Variants in CEP63 observed in about 807,000 individuals in gnomAD.
The protein encoded by CEP63 is centrosomal protein of 63 kDa.
CEP63 carries 84 observed loss-of-function variants against 89.1 expected under a neutral mutation model. The observed-to-expected ratio is 0.94, with a 90% CI of 0.79 to 1.13. CEP63 has a LOEUF of 1.13. Among genes scored for constraint, CEP63 ranks in the 50% most tolerant of loss-of-function variants. The pLI is 0.00. For missense variants in CEP63, 838 were observed against 813.3 expected, an observed-to-expected ratio of 1.03 and a Z score of -0.37; for synonymous variants, 267 against 272.5, an observed-to-expected ratio of 0.98 and a Z score of 0.20.
chr3:134,607,335 T>C, the CEP63 span: 4 of 985,518 alleles, frequency 4.1e-6, no homozygotes, highest in Non-Finnish European at 4.8e-6. Context: ...ACAAGTCAGT[T>C]GGAACTAACT....
chr3:134,627,574 C>T, the CEP63 span, among the ~76,000 whole-genome samples: 2 of 152,192 alleles, frequency 1.3e-5, no homozygotes, highest in South Asian at 4.1e-4. Flanking sequence ...CTTTTTCCTT[C>T]TCCACCTGTG....
chr3:134,778,670 T>C, the CEP63 span, among the ~76,000 whole-genome samples: 5 of 152,302 alleles, frequency 3.3e-5, no homozygotes, highest in African/African-American at 1.2e-4. Context: ...GCCATTCTCC[T>C]GCCTCAGCCT....
chr3:134,548,441 C>T (rs913633453), intron 9 of CEP63, among the ~76,000 whole-genome samples: 4 of 152,134 alleles, frequency 2.6e-5, no homozygotes, highest in African/African-American at 7.2e-5. Context: ...TTGTCATTGT[C>T]GTACTTATAG....
At chr3:134,647,455 A>C in the CEP63 span, 1 of 1,611,962 alleles carries the variant, frequency 6.2e-7, no homozygotes, top group South Asian at 1.1e-5. Context: ...ATTTCCTTCT[A>C]ATTTCTGCCA....
Position 134,559,287 on chromosome 3 carries a change from G to T in CEP63, c.1811G>T (p.Ser604Ile), listed in dbSNP as rs1006540375. Residue 604 changes from serine to isoleucine, a missense_variant, in exon 14 of 15, where the codon AGC (serine) becomes ATC (isoleucine). Transcript: ENST00000675561. ...CTAAGCCCCCTGAGTCCTCAAATCA[G>T]CCCTTGCAGCTCCACCAGGTCTTTG... ...RVLSPLSPQI[S>I]PCSSTRSLTS... is the part of the protein sequence containing the mutation. 1 of 1,614,092 alleles carries T rather than the reference G, an allele frequency of 6.2e-7. No homozygotes were observed. The highest frequency in any genetic ancestry group is 1.3e-5 in the African/African-American group (1 of 75,022).
At chr3:134,528,101 C>T (rs1302052078) in intron 3 of CEP63, among the ~76,000 whole-genome samples, 1 of 152,214 alleles carries the variant, frequency 6.6e-6, no homozygotes, top group Non-Finnish European at 1.5e-5. Flanking sequence ...GAGTGGGTTG[C>T]TCCTTGCTAG....
intron 5 of CEP63, among the ~76,000 whole-genome samples, chr3:134,534,400 C>T (rs912055310): frequency 3.9e-5 from 6 of 152,156 alleles, no homozygotes; most frequent in African/African-American, 1.2e-4. Flanking sequence ...AATTATCAGA[C>T]TACCAATCCC....
the CEP63 span, among the ~76,000 whole-genome samples, chr3:134,668,770 T>C: frequency 6.6e-6 from 1 of 151,734 alleles, no homozygotes; most frequent in South Asian, 2.1e-4. Context: ...CATTTTTCAC[T>C]TTCCATTTTT....
At chr3:134,622,726 G>C in the CEP63 span, among the ~76,000 whole-genome samples, 2 of 152,268 alleles carry the variant, frequency 1.3e-5, no homozygotes, top group East Asian at 3.9e-4. Flanking sequence ...TTTCTTCGTA[G>C]GGGCCCTCAG....
At chr3:134,575,178 G>GTC (rs1166742954), downstream of CEP63, among the ~76,000 whole-genome samples, 1 of 48,090 alleles carries the variant, frequency 2.1e-5, no homozygotes, top group Non-Finnish European at 3.7e-5. Flanking sequence ...CTCCCTCCCT[G>GTC]TCTCTCTCTC....
At chr3:134,604,047 C>G in the CEP63 span, 1 of 1,614,014 alleles carries the variant, frequency 6.2e-7, no homozygotes, top group Non-Finnish European at 8.5e-7. Context: ...GCCGCTGTGT[C>G]TCCTCAGTGA....
chr3:134,717,865 T>C, the CEP63 span, among the ~76,000 whole-genome samples: 1 of 152,202 alleles, frequency 6.6e-6, no homozygotes, highest in Non-Finnish European at 1.5e-5. Flanking sequence ...ATGGTGGTCA[T>C]TCAGCCTCTG....
the CEP63 span, among the ~76,000 whole-genome samples, chr3:134,600,151 T>C: frequency 5.2e-4 from 79 of 152,284 alleles, no homozygotes; most frequent in Admixed American, 2.4e-3. Context: ...CAATAGCAAA[T>C]GATGTAGTGA....
the CEP63 span, among the ~76,000 whole-genome samples, chr3:134,697,844 A>C: frequency 6.6e-6 from 1 of 152,212 alleles, no homozygotes; most frequent in Non-Finnish European, 1.5e-5. Context: ...ACAGTAAACT[A>C]TTCAACCACT....
the CEP63 span, among the ~76,000 whole-genome samples, chr3:134,777,442 C>T: frequency 6.6e-6 from 1 of 151,952 alleles, no homozygotes; most frequent in Non-Finnish European, 1.5e-5. Context: ...AATATATACT[C>T]ACCTCATTTT....
At chr3:134,705,015 A>G in the CEP63 span, among the ~76,000 whole-genome samples, 4 of 152,234 alleles carry the variant, frequency 2.6e-5, no homozygotes, top group African/African-American at 7.2e-5. Context: ...TCCTTTTTAT[A>G]TAGAATGCTT....
chr3:134,530,028 C>A (rs1559954171), intron 3 of CEP63, among the ~76,000 whole-genome samples: 1 of 151,974 alleles, frequency 6.6e-6, no homozygotes, highest in Non-Finnish European at 1.5e-5. Context: ...CACCCGCCAC[C>A]ACACCTGGCT....
In CEP63 at chr3:134,564,782, A is replaced by C; in HGVS notation, c.*3247A>C. 1.0e-6 allele frequency: 1 copy of C among 985,354 alleles called. No homozygotes were observed. Among genetic ancestry groups the C allele is most frequent in the East Asian group, 1.1e-4 (1 of 8,826 alleles). 61.0% of individuals were successfully genotyped at this position (985,354 alleles called of 1,614,324 possible). On this transcript the variant is annotated 3_prime_UTR_variant, in exon 15 of 15. Coordinates refer to ENST00000675561, the MANE Select transcript of CEP63 (RefSeq NM_001353108.3). Reference sequence around the variant, plus strand: ...CTTCAGCTTAAAATCTGTAGACTGCAGCCCGTTTCTGAAACGTTTGTACTA... The same window carrying C: ...CTTCAGCTTAAAATCTGTAGACTGCCGCCCGTTTCTGAAACGTTTGTACTA...
At chr3:134,660,032 T>A in the CEP63 span, among the ~76,000 whole-genome samples, 1 of 152,162 alleles carries the variant, frequency 6.6e-6, no homozygotes, top group Non-Finnish European at 1.5e-5. Flanking sequence ...CCTTATTAAG[T>A]TGGAAAGGAT....
Sources: gnomAD v4.1 joint callset for allele counts (sites outside exome capture counted in the v4.1 genomes callset) on GRCh38, gnomAD v4.1.1 for gene constraint, MANE v1.5 for transcripts, NCBI Gene and HGNC (gene_info 2026-07-23, HGNC 2026-07-21) for gene names.